GRID2: variants seen among roughly 807,000 people sequenced by gnomAD.
The protein encoded by GRID2 is glutamate ionotropic receptor delta type subunit 2.
GRID2 carries 33 observed loss-of-function variants against 114.8 expected under a neutral mutation model. The ratio of observed to expected loss-of-function variants is 0.29; its 90% confidence interval spans 0.22 to 0.38. The LOEUF (loss-of-function observed/expected upper bound fraction) is 0.38, where lower values mean the gene tolerates loss of function less well. Among genes scored for constraint, GRID2 ranks in the 10% least tolerant of loss-of-function variants. The probability of loss-of-function intolerance (pLI) is 1.00; values close to 1 mark genes in which losing one functional copy is unlikely to be tolerated. For missense variants in GRID2, 1,184 were observed against 1,257.7 expected, an observed-to-expected ratio of 0.94 and a Z score of 0.89; for synonymous variants, 505 against 449.9, an observed-to-expected ratio of 1.12 and a Z score of -1.55.
chr4:92,754,342 A>T (rs966602023), intron 2 of GRID2, among the ~76,000 whole-genome samples: 2 of 152,162 alleles, frequency 1.3e-5, no homozygotes, highest in African/African-American at 4.8e-5. Context: ...CTGCCCCATG[A>T]GAAGCATGAT....
intron 4 of GRID2, among the ~76,000 whole-genome samples, chr4:93,130,455 A>T (rs1182522358): frequency 1.3e-5 from 2 of 152,184 alleles, no homozygotes; most frequent in African/African-American, 4.8e-5. Context: ...GGGGGAAAAA[A>T]ACTGGTAATA....
intron 14 of GRID2, among the ~76,000 whole-genome samples, chr4:93,730,972 G>A (rs879817052): frequency 8.5e-5 from 13 of 152,184 alleles, no homozygotes; most frequent in African/African-American, 2.9e-4. Flanking sequence ...CAAGCCCGGC[G>A]TGGGGAGGGC....
intron 8 of GRID2, among the ~76,000 whole-genome samples, chr4:93,337,960 TA>T (rs1759257625): frequency 6.6e-6 from 1 of 152,156 alleles, no homozygotes; most frequent in African/African-American, 2.4e-5. Context: ...TCCTCAGAAG[TA>T]AACACTTTGA....
intron 2 of GRID2, among the ~76,000 whole-genome samples, chr4:92,931,134 G>A (rs542934521): frequency 4.5e-4 from 68 of 150,838 alleles, no homozygotes; most frequent in Non-Finnish European, 9.1e-4. Context: ...GTTGTATTCA[G>A]AAATACATAA....
chr4:93,035,595 A>G (rs1724863752), intron 2 of GRID2, among the ~76,000 whole-genome samples: 1 of 152,084 alleles, frequency 6.6e-6, no homozygotes, highest in Non-Finnish European at 1.5e-5. Context: ...GCCATAATGA[A>G]GATATAACCT....
chr4:93,490,542 A>G (rs1288673607), intron 11 of GRID2, 97 bp from the exon 12 acceptor site: 1 of 826,416 alleles, frequency 1.2e-6, no homozygotes, highest in Non-Finnish European at 1.9e-6. Flanking sequence ...AAAAATTCTC[A>G]CTACTTGCAA....
intron 8 of GRID2, among the ~76,000 whole-genome samples, chr4:93,321,624 C>G (rs555145636): frequency 6.6e-6 from 1 of 152,078 alleles, no homozygotes; most frequent in East Asian, 1.9e-4. Flanking sequence ...ACTTTTTAAA[C>G]CTAATATATT....
At chr4:92,945,156 C>G (rs948341468) in intron 2 of GRID2, among the ~76,000 whole-genome samples, 7 of 152,068 alleles carry the variant, frequency 4.6e-5, no homozygotes, top group Non-Finnish European at 8.8e-5. Context: ...TTCTATACAT[C>G]CTATTTCTTA....
chr4:93,034,948 A>T (rs1263811592), intron 2 of GRID2, among the ~76,000 whole-genome samples: 1 of 152,160 alleles, frequency 6.6e-6, no homozygotes, highest in East Asian at 1.9e-4. Flanking sequence ...TTTAAGAAAC[A>T]ACATAGTCAC....
At chr4:92,497,763 C>T (rs901283597) in intron 1 of GRID2, among the ~76,000 whole-genome samples, 3 of 151,812 alleles carry the variant, frequency 2.0e-5, no homozygotes, top group Non-Finnish European at 4.4e-5. Flanking sequence ...TTTGAATTTT[C>T]CTATTGACTT....
At chr4:93,112,176 A>G (rs984067925) in intron 4 of GRID2, 1 of 152,170 alleles carries the variant, frequency 6.6e-6, no homozygotes, top group African/African-American at 2.4e-5. Context: ...TAAAATTGCA[A>G]TAGAGGCGGT....
intron 12 of GRID2, among the ~76,000 whole-genome samples, chr4:93,504,758 C>T (rs1390578179): frequency 6.6e-6 from 1 of 151,678 alleles, no homozygotes; most frequent in Non-Finnish European, 1.5e-5. Flanking sequence ...CCATGACCTA[C>T]TTAGAAGGTT....
intron 3 of GRID2, among the ~76,000 whole-genome samples, chr4:93,090,441 T>C (rs904751410): frequency 4.6e-5 from 7 of 152,198 alleles, no homozygotes; most frequent in Non-Finnish European, 8.8e-5. Context: ...ACCTATCACC[T>C]ATAAATACCC....
chr4:93,261,831 C>T lies in GRID2; in HGVS notation c.1245+23341C>T, dbSNP rs767428073. On this transcript the variant is annotated intron_variant, in intron 8 of 15. Transcript: ENST00000282020. ...TTTAGGCTTTGTGGGCCATGTATGT[C>T]TCTTTTGCATATTCTTCCTTGTTTA... 5.3e-5 allele frequency among the ~76,000 whole-genome samples: 8 copies of T among 151,480 alleles called. 1 individual carries two copies. The highest frequency in any genetic ancestry group is 8.9e-5 in the Non-Finnish European group (6 of 67,730).
intron 1 of GRID2, among the ~76,000 whole-genome samples, chr4:92,405,644 G>GA (rs1029039908): frequency 1.3e-5 from 2 of 149,328 alleles, no homozygotes; most frequent in East Asian, 3.9e-4. Flanking sequence ...ATACATAAGG[G>GA]AAAAAAGTTG....
intron 1 of GRID2, among the ~76,000 whole-genome samples, chr4:92,542,439 A>G (rs1411203346): frequency 2.6e-5 from 4 of 152,230 alleles, no homozygotes; most frequent in East Asian, 1.9e-4. Flanking sequence ...TTCCTCAGCC[A>G]TAAAAAGAAA....
intron 9 of GRID2, among the ~76,000 whole-genome samples, chr4:93,398,599 T>C (rs1304639089): frequency 6.6e-6 from 1 of 151,918 alleles, no homozygotes; most frequent in Non-Finnish European, 1.5e-5. Context: ...ACAATTGCTA[T>C]TTTGTTCATG....
At chr4:92,412,831 G>A (rs1476174616) in intron 1 of GRID2, among the ~76,000 whole-genome samples, 6 of 152,126 alleles carry the variant, frequency 3.9e-5, no homozygotes, top group African/African-American at 1.4e-4. Context: ...TCTGCCTGTA[G>A]CAAATGTCTT....
intron 10 of GRID2, among the ~76,000 whole-genome samples, chr4:93,431,983 T>C (rs1201127347): frequency 6.6e-6 from 1 of 152,142 alleles, no homozygotes; most frequent in African/African-American, 2.4e-5. Flanking sequence ...AATGGAAAAT[T>C]GACAAAGATA....
Sources: gnomAD v4.1 joint callset for allele counts (sites outside exome capture counted in the v4.1 genomes callset) on GRCh38, gnomAD v4.1.1 for gene constraint, MANE v1.5 for transcripts, NCBI Gene and HGNC (gene_info 2026-07-23, HGNC 2026-07-21) for gene names.